The following TPX2 variants were observed in gnomAD, a reference collection of about 807,000 sequenced individuals.
TPX2 encodes the protein TPX2 microtubule nucleation factor, also known as targeting protein for Xklp2.
TPX2 carries 21 observed loss-of-function variants against 93.6 expected under a neutral mutation model. That is an observed-to-expected ratio of 0.22 (90% CI 0.16 to 0.32). The LOEUF (loss-of-function observed/expected upper bound fraction) is 0.32, where lower values mean the gene tolerates loss of function less well. Ranked by LOEUF, TPX2 falls within the 10% of genes least tolerant of loss-of-function variation. The pLI is 1.00. For missense variants in TPX2, 776 were observed against 871.1 expected (o/e 0.89, Z 1.37); for synonymous variants, 281 against 298.3 (o/e 0.94, Z 0.60).
At chr20:31,794,699 AG>A in intron 15 of TPX2, 151 bp downstream of exon 15, 1 of 1,011,856 alleles carries the variant, frequency 9.9e-7, no homozygotes. Flanking sequence ...ATTTCTGTAA[AG>A]GGCCAGATAA....
chr20:31,760,046 C>T lies in TPX2; in HGVS notation c.107-11C>T. 6.2e-7 allele frequency: 1 copy of T among 1,611,552 alleles called. No homozygotes were observed. ...TGCTGATCAGACAATGATGATCTTC[C>T]CTTTTCACAGAGGAGAAGGCCAATT... is the stretch of plus-strand genomic sequence containing the variant. On this transcript the variant is annotated splice_polypyrimidine_tract_variant and intron_variant, in intron 3 of 17. Coordinates refer to ENST00000300403, the MANE Select transcript of TPX2 (RefSeq NM_012112.5).
intron 12 of TPX2, among the ~76,000 whole-genome samples, chr20:31,790,734 C>T (rs998943837): frequency 6.6e-5 from 10 of 152,208 alleles, no homozygotes; most frequent in African/African-American, 2.4e-4. Flanking sequence ...CAAACATTTA[C>T]TGAGTGCTTT....
rs1271749884 is a variant in TPX2, at chr20:31,797,421, A to T, written c.1851A>T (p.Arg617Ser). The part of the protein sequence containing the change: ...TWKHQLEEEL[R>S]QQKEAACFKA... ...TCTAATAGCTGGAAGAAGAACTGAG[A>T]CAGCAGAAAGAAGCAGCTTGTTTCA... Residue 617 changes from arginine (R) to serine (S), a missense_variant, in exon 16 of 18, where the codon AGA becomes AGT. Coordinates refer to ENST00000300403, the MANE Select transcript of TPX2 (RefSeq NM_012112.5). 6.2e-7 allele frequency: 1 copy of T among 1,614,166 alleles called. No homozygotes were observed. The highest frequency in any genetic ancestry group is 1.1e-5 in the South Asian group (1 of 91,080).
chr20:31,794,569 C>T, intron 15 of TPX2, 21 bp downstream of exon 15: 2 of 1,610,294 alleles, frequency 1.2e-6, no homozygotes, highest in Non-Finnish European at 1.7e-6. Context: ...GGGAGAGCAG[C>T]CAAAATGTTA....
At chr20:31,752,091 TA>T (rs775106567) in intron 2 of TPX2, among the ~76,000 whole-genome samples, 3 of 152,128 alleles carry the variant, frequency 2.0e-5, no homozygotes, top group Admixed American at 2.0e-4. Context: ...TGGAAAATTG[TA>T]AAAAACACCA....
chr20:31,779,813 T>C (rs1299034680), intron 10 of TPX2, among the ~76,000 whole-genome samples: 1 of 151,336 alleles, frequency 6.6e-6, no homozygotes, highest in Non-Finnish European at 1.5e-5. Flanking sequence ...GATGGAAGAG[T>C]GGGAGGAATG....
At chr20:31,743,727 T>G (rs942539362) in intron 2 of TPX2, among the ~76,000 whole-genome samples, 2 of 54,692 alleles carry the variant, frequency 3.7e-5, no homozygotes, top group South Asian at 5.7e-4. Flanking sequence ...ACAGATGCAG[T>G]TTTTTTTTTT....
chr20:31,753,446 C>T (rs1412521932), intron 2 of TPX2, among the ~76,000 whole-genome samples: 1 of 152,110 alleles, frequency 6.6e-6, no homozygotes, highest in African/African-American at 2.4e-5. Context: ...TAATGAACAC[C>T]TCTGGTAACT....
At chr20:31,774,510 A>G (rs141567882) in intron 7 of TPX2, among the ~76,000 whole-genome samples, 58 of 152,254 alleles carry the variant, frequency 3.8e-4, no homozygotes, top group Admixed American at 6.5e-4. Flanking sequence ...GAACATTACC[A>G]TGTGTCAAGC....
intron 8 of TPX2, 58 bp from the exon 9 acceptor site, chr20:31,777,429 T>G: frequency 1.3e-6 from 2 of 1,572,230 alleles, no homozygotes; most frequent in Non-Finnish European, 8.7e-7. Context: ...GTAAAGGGGA[T>G]TTACTGGTGT....
At chr20:31,741,296 G>T (rs192324565) in intron 1 of TPX2, among the ~76,000 whole-genome samples, 1,902 of 150,626 alleles carry the variant, frequency 0.013, 36 homozygotes, top group African/African-American at 0.044. Flanking sequence ...CTATAGAGTT[G>T]TTTTTTTTGT....
At chr20:31,750,822 A>G (rs1465675568) in intron 2 of TPX2, among the ~76,000 whole-genome samples, 1 of 152,238 alleles carries the variant, frequency 6.6e-6, no homozygotes, top group Admixed American at 6.5e-5. Flanking sequence ...TGAATATTTA[A>G]TAAAAATTTG....
intron 9 of TPX2, 124 bp downstream of exon 9, chr20:31,777,762 G>T: frequency 9.8e-7 from 1 of 1,020,464 alleles, no homozygotes; most frequent in Non-Finnish European, 1.3e-6. Context: ...CTATAAAGTT[G>T]TGTAAAATAT....
intron 2 of TPX2, among the ~76,000 whole-genome samples, chr20:31,748,161 G>T (rs1289288159): frequency 6.6e-6 from 1 of 152,100 alleles, no homozygotes; most frequent in East Asian, 1.9e-4. Context: ...TAGCTTAAAA[G>T]AAGCTTTTTT....
At chr20:31,762,604 C>T (rs532463694) in intron 4 of TPX2, among the ~76,000 whole-genome samples, 20 of 152,100 alleles carry the variant, frequency 1.3e-4, no homozygotes, top group Non-Finnish European at 2.9e-4. Context: ...CCCACCTCGG[C>T]CTCCCAAAGT....
chr20:31,764,837 C>G (rs566005014), intron 4 of TPX2, among the ~76,000 whole-genome samples: 1 of 152,100 alleles, frequency 6.6e-6, no homozygotes, highest in Non-Finnish European at 1.5e-5. Flanking sequence ...ATCTTTTCTT[C>G]CCTGTCATCT....
chr20:31,768,900 T>A (rs904755539), intron 5 of TPX2, among the ~76,000 whole-genome samples: 1 of 152,204 alleles, frequency 6.6e-6, no homozygotes, highest in Non-Finnish European at 1.5e-5. Flanking sequence ...CCCAGCAATC[T>A]TATTTTTTTT....
intron 2 of TPX2, among the ~76,000 whole-genome samples, chr20:31,755,274 G>A (rs2061844870): frequency 6.7e-6 from 1 of 150,214 alleles, no homozygotes; most frequent in Admixed American, 6.6e-5. Flanking sequence ...AGTAGAGATG[G>A]GGTTTCACCA....
At chr20:31,794,079 A>G in intron 14 of TPX2, 55 bp downstream of exon 14, 1 of 1,518,576 alleles carries the variant, frequency 6.6e-7, no homozygotes, top group South Asian at 1.3e-5. Flanking sequence ...TCCCTCAAAG[A>G]CAGTTTTTTC....
Sources: gnomAD v4.1 joint callset for allele counts (sites outside exome capture counted in the v4.1 genomes callset) on GRCh38, gnomAD v4.1.1 for gene constraint, MANE v1.5 for transcripts, NCBI Gene and HGNC (gene_info 2026-07-23, HGNC 2026-07-21) for gene names.